Variants in KCTD1 observed in about 807,000 individuals in gnomAD.
KCTD1 encodes the protein BTB/POZ domain-containing protein KCTD1.
A neutral mutation model predicts 66.0 loss-of-function variants in KCTD1; 24 were observed. The ratio of observed to expected loss-of-function variants is 0.36; its 90% CI spans 0.26 to 0.51. The LOEUF (loss-of-function observed/expected upper bound fraction) is 0.51. Ranked by LOEUF, KCTD1 falls within the 20% of genes least tolerant of loss-of-function variation. The pLI is 0.95. For missense variants in KCTD1, 943 were observed against 1,205.2 expected (o/e 0.78, Z 3.22); for synonymous variants, 511 against 517.2 (o/e 0.99, Z 0.16).
intron 1 of KCTD1, among the ~76,000 whole-genome samples, chr18:26,506,806 C>T (rs1347129448): frequency 1.3e-5 from 2 of 152,204 alleles, no homozygotes; most frequent in Non-Finnish European, 2.9e-5. Context: ...TGGTCACCAC[C>T]AGCCACAAGT....
chr18:26,562,151 C>A (rs1985870497), intron 1 of KCTD1, among the ~76,000 whole-genome samples: 1 of 152,198 alleles, frequency 6.6e-6, no homozygotes, highest in African/African-American at 2.4e-5. Context: ...GTATCCATAA[C>A]TGAAACCTGG....
At chr18:26,491,125 C>T (rs181693409) in intron 2 of KCTD1, among the ~76,000 whole-genome samples, 89 of 152,220 alleles carry the variant, frequency 5.8e-4, no homozygotes, top group African/African-American at 1.8e-3. Context: ...TGCATGCATG[C>T]GTGCTTATGT....
upstream of KCTD1, chr18:26,548,872 CG>C: frequency 1.0e-6 from 1 of 1,004,036 alleles, no homozygotes; most frequent in Non-Finnish European, 1.2e-6. Flanking sequence ...TCGGTGGGGG[CG>C]AAACACTCCC....
chr18:26,585,294 A>G (rs1986448596), intron 1 of KCTD1, among the ~76,000 whole-genome samples: 1 of 152,202 alleles, frequency 6.6e-6, no homozygotes, highest in African/African-American at 2.4e-5. Context: ...ATCATTATCT[A>G]ACCATATTGG....
chr18:26,601,804 G>A (rs1986905377), intron 1 of KCTD1, among the ~76,000 whole-genome samples: 1 of 151,906 alleles, frequency 6.6e-6, no homozygotes, highest in Admixed American at 6.6e-5. Flanking sequence ...TTATTGTATT[G>A]TTCATTATTA....
chr18:26,479,486 C>A (rs1447256360), intron 2 of KCTD1, among the ~76,000 whole-genome samples: 1 of 152,172 alleles, frequency 6.6e-6, no homozygotes, highest in African/African-American at 2.4e-5. Context: ...GAAAAACGCG[C>A]GCTGCCAGGG....
chr18:26,643,141 G>C (rs1483985106), upstream of KCTD1, among the ~76,000 whole-genome samples: 1 of 152,118 alleles, frequency 6.6e-6, no homozygotes, highest in East Asian at 1.9e-4. Flanking sequence ...TTCTGGCAGG[G>C]CTCTCTCTCT....
intron 2 of KCTD1, among the ~76,000 whole-genome samples, chr18:26,480,549 C>T (rs909980394): frequency 1.3e-5 from 2 of 152,130 alleles, no homozygotes; most frequent in African/African-American, 4.8e-5. Context: ...GTGGGCAGAT[C>T]CCAAGGTCAG....
At chr18:26,578,213 A>G (rs2144914579) in intron 1 of KCTD1, among the ~76,000 whole-genome samples, 1 of 150,314 alleles carries the variant, frequency 6.7e-6, no homozygotes, top group East Asian at 1.9e-4. Flanking sequence ...GCACCACCAC[A>G]CCCGGCTAAT....
rs1196228273 is a variant in KCTD1, at chr18:26,459,690, C to A, written c.2369G>T (p.Gly790Val). The change falls in exon 4 of 5, where the codon GGC becomes GTC. Residue 790 changes from glycine to valine, a missense_variant. Physicochemically the swap from Gly to Val is moderately radical, Grantham distance 109 (BLOSUM62 -3). Coordinates refer to ENST00000580059, the MANE Select transcript of KCTD1 (RefSeq NM_001142730.3). ...GACGTGCGTCGAGTCGTGATTCCAG[C>A]CTGCATTGACAGAGTTACACATCAC... ...GDVMCNSVNA[G>V]WNHDSTHVIR... 3 of 1,613,594 alleles carry A rather than the reference C, an allele frequency of 1.9e-6. No individual in the cohort carries two copies. The highest frequency in any genetic ancestry group is 2.5e-6 in the Non-Finnish European group (3 of 1,179,626).
At chr18:26,568,919 A>AT (rs1020801439) in intron 1 of KCTD1, among the ~76,000 whole-genome samples, 42 of 151,968 alleles carry the variant, frequency 2.8e-4, no homozygotes, top group Admixed American at 1.8e-3. Context: ...ATATTTTCTT[A>AT]TTTTTTTTGG....
chr18:26,547,628 G>A lies in KCTD1; in HGVS notation c.909C>T (p.Pro303=). 6.4e-7 allele frequency: 1 copy of A among 1,551,632 alleles called. No homozygotes were observed. The highest frequency in any genetic ancestry group is 8.7e-7 in the Non-Finnish European group (1 of 1,146,936). The part of the protein sequence containing the change: ...YTSSVFSTNT[P]FGLLNKVWFE... ...ACCAGACCTTGTTGAGCAGCCCGAA[G>A]GGCGTGTTGGTGCTGAAGACGCTGG... The change falls in exon 1 of 5, where the codon CCC becomes CCT. Residue 303 remains proline (P), a synonymous_variant. Coordinates refer to ENST00000580059, the MANE Select transcript of KCTD1 (RefSeq NM_001142730.3).
At chr18:26,650,410 T>C (rs1466663308) in intron 1 of KCTD1, among the ~76,000 whole-genome samples, 2 of 152,246 alleles carry the variant, frequency 1.3e-5, no homozygotes, top group Non-Finnish European at 2.9e-5. Context: ...ATAAACACAG[T>C]CCCTGCTCTT....
chr18:26,598,531 C>T (rs1474499608), intron 1 of KCTD1, among the ~76,000 whole-genome samples: 1 of 151,482 alleles, frequency 6.6e-6, no homozygotes, highest in African/African-American at 2.4e-5. Flanking sequence ...AATGTGGGGC[C>T]ATATGGTAGT....
chr18:26,467,125 C>T (rs965692516), intron 3 of KCTD1, among the ~76,000 whole-genome samples: 4 of 149,014 alleles, frequency 2.7e-5, no homozygotes, highest in Non-Finnish European at 5.9e-5. Flanking sequence ...TGGGAACATA[C>T]GGTATAGTTT....
At chr18:26,585,441 C>A (rs1025468611) in intron 1 of KCTD1, among the ~76,000 whole-genome samples, 5 of 152,168 alleles carry the variant, frequency 3.3e-5, no homozygotes, top group Non-Finnish European at 7.3e-5. Flanking sequence ...TGACTTTAAA[C>A]AAGTTAATTA....
intron 2 of KCTD1, among the ~76,000 whole-genome samples, chr18:26,495,893 C>T (rs1241196386): frequency 1.3e-5 from 2 of 152,082 alleles, no homozygotes; most frequent in Admixed American, 1.3e-4. Context: ...ATCTGAATAA[C>T]CATCAATACA....
At chr18:26,470,556 C>A (rs972066812) in intron 3 of KCTD1, among the ~76,000 whole-genome samples, 1 of 152,336 alleles carries the variant, frequency 6.6e-6, no homozygotes, top group East Asian at 1.9e-4. Context: ...GCTTCCTGGT[C>A]CTCGATAACA....
intron 1 of KCTD1, among the ~76,000 whole-genome samples, chr18:26,655,411 T>C (rs1220994116): frequency 6.6e-6 from 1 of 150,978 alleles, no homozygotes; most frequent in African/African-American, 2.4e-5. Context: ...GTTAAACTGT[T>C]ATGTCTCCCA....
Sources: allele counts gnomAD v4.1 joint callset (sites outside exome capture counted in the v4.1 genomes callset), GRCh38; gene constraint gnomAD v4.1.1; transcripts MANE v1.5; gene names NCBI Gene and HGNC (gene_info 2026-07-23, HGNC 2026-07-21).